The following PLA2G4D variants were observed in gnomAD, a reference collection of about 807,000 sequenced individuals.
PLA2G4D encodes the protein phospholipase A2 group IVD.
Under a neutral mutation model 94.4 loss-of-function variants are expected in PLA2G4D, and 80 were observed. The observed-to-expected ratio is 0.85, with a 90% CI of 0.71 to 1.02. The LOEUF (loss-of-function observed/expected upper bound fraction) is 1.02. Among genes scored for constraint, PLA2G4D ranks in the 50% least tolerant of loss-of-function variants. The probability of loss-of-function intolerance (pLI) is 0.00; values close to 1 mark genes in which losing one functional copy is unlikely to be tolerated. For missense variants in PLA2G4D, 1,050 were observed against 1,034.7 expected (o/e 1.01, Z -0.20); for synonymous variants, 438 against 440.9 (o/e 0.99, Z 0.08).
chr15:42,073,478 G>C (rs1319153380), intron 13 of PLA2G4D, among the ~76,000 whole-genome samples: 1 of 152,218 alleles, frequency 6.6e-6, no homozygotes, highest in Non-Finnish European at 1.5e-5. Flanking sequence ...CCTTGGGAAG[G>C]ATTCTGCCGC....
intron 1 of PLA2G4D, among the ~76,000 whole-genome samples, chr15:42,089,901 C>T (rs890886168): frequency 2.4e-4 from 36 of 152,184 alleles, no homozygotes; most frequent in Admixed American, 2.4e-3. Flanking sequence ...TTCATTTCTC[C>T]CTCCCATCAC....
In PLA2G4D at chr15:42,071,885, C is replaced by T; in HGVS notation, c.1462G>A (p.Val488Ile). 1.9e-6 allele frequency: 3 copies of T among 1,614,156 alleles called. No homozygotes were observed. Among genetic ancestry groups the T allele is most frequent in the Non-Finnish European group, 2.5e-6 (3 of 1,180,008 alleles). The change falls in exon 15 of 20, where the codon GTC becomes ATC. Residue 488 changes from valine (V) to isoleucine (I), a missense_variant. Physicochemically the swap from Val to Ile is conservative, Grantham distance 29. Transcript: ENST00000290472. ...AAGGCCCCGTACTTCAGGAAACCGA[C>T]CTCATAGGGGGAGAACTCAACCCAC... The part of the protein sequence containing the change: ...KEWVEFSPYE[V>I]GFLKYGAFVP...
intron 15 of PLA2G4D, 105 bp from the exon 16 acceptor site, chr15:42,071,656 C>T: frequency 1.6e-6 from 2 of 1,267,804 alleles, no homozygotes; most frequent in South Asian, 2.6e-5. Flanking sequence ...TACAATGCAT[C>T]CCCCCCGCCA....
intron 1 of PLA2G4D, among the ~76,000 whole-genome samples, chr15:42,089,983 C>T (rs763584856): frequency 3.9e-5 from 6 of 152,224 alleles, no homozygotes; most frequent in Non-Finnish European, 7.3e-5. Context: ...AATCCCGATT[C>T]TCTTCACCTC....
At chr15:42,077,927 A>G (rs1889960927) in intron 13 of PLA2G4D, among the ~76,000 whole-genome samples, 1 of 152,246 alleles carries the variant, frequency 6.6e-6, no homozygotes, top group Non-Finnish European at 1.5e-5. Context: ...TGAAACAGGG[A>G]AGGGCTGAAA....
Position 42,071,130 on chromosome 15 carries a change from G to A in PLA2G4D, c.1869C>T (p.Thr623=), listed in dbSNP as rs72727748. 2.6e-3 allele frequency: 4,258 copies of A among 1,610,880 alleles called. 9 individuals are homozygous for A. Among genetic ancestry groups the A allele is most frequent in the Non-Finnish European group, 3.2e-3 (3,795 of 1,179,030 alleles). ...CCTGGCCACGGCCCTGACCTGCCCA[G>A]GTGGAGAAGTCTTTGTGGCTACAGT... is the stretch of plus-strand genomic sequence containing the variant. ...QDYCSHKDFS[T]WADYQLDSMP... is the part of the protein sequence containing the mutation. Residue 623 remains threonine (T), a synonymous_variant, in exon 17 of 20, where the codon ACC becomes ACT. Transcript: ENST00000290472.
chr15:42,070,982 C>T (rs1595589758), intron 17 of PLA2G4D, 99 bp from the exon 18 acceptor site: 1 of 1,522,238 alleles, frequency 6.6e-7, no homozygotes, highest in East Asian at 2.4e-5. Flanking sequence ...CCACCCAGCC[C>T]TTCCCCAGGA....
At position 42,086,321 on chromosome 15, in the gene PLA2G4D, A is replaced by G. The variant is rs1354350876; in HGVS notation, c.279T>C (p.Tyr93=). 2 of 1,613,578 alleles carry G rather than the reference A, an allele frequency of 1.2e-6. No homozygotes were observed. The highest frequency in any genetic ancestry group is 2.2e-5 in the East Asian group (1 of 44,822). Residue 93 remains tyrosine, a synonymous_variant, in exon 4 of 20, where the codon TAT becomes TAC. Coordinates refer to ENST00000290472, the MANE Select transcript of PLA2G4D (RefSeq NM_178034.4). ...CATCCTCCGTGACTGAGTCCTCATC[A>G]TAGATGCTAAGCTCCAGAACATTCT... ...QVKNVLELSI[Y]DEDSVTEDDI... is the part of the protein sequence containing the mutation.
At chr15:42,085,454 T>A (rs1890122988) in intron 5 of PLA2G4D, 37 bp downstream of exon 5, 1 of 1,611,222 alleles carries the variant, frequency 6.2e-7, no homozygotes, top group Non-Finnish European at 8.5e-7. Context: ...AGAGCCTGAG[T>A]CCTGAGACAC....
In PLA2G4D at chr15:42,088,186, C is replaced by G. The variant is rs529761410; in HGVS notation, c.46-486G>C. Among the ~76,000 whole-genome samples the G allele has an allele frequency of 7.2e-5, 11 of 152,360 alleles. No homozygotes were observed. The South Asian group carries it at 2.3e-3, about 32-fold the overall frequency. On this transcript the variant is annotated intron_variant, in intron 1 of 19. Coordinates refer to ENST00000290472, the MANE Select transcript of PLA2G4D (RefSeq NM_178034.4). ...TAAGGGAGGGTGAGCCTCAGCAGCC[C>G]AGTCCACAGGCGCTACCCTGGATCT...
intron 4 of PLA2G4D, among the ~76,000 whole-genome samples, chr15:42,085,893 G>A (rs559502769): frequency 1.3e-5 from 2 of 152,334 alleles, no homozygotes; most frequent in South Asian, 2.1e-4. Flanking sequence ...CCACCCCCAG[G>A]CTGCAGCAGG....
intron 1 of PLA2G4D, among the ~76,000 whole-genome samples, chr15:42,091,988 C>T (rs1458232686): frequency 1.3e-5 from 2 of 152,210 alleles, no homozygotes; most frequent in Non-Finnish European, 2.9e-5. Context: ...AACAACAGCA[C>T]AGCCAGACAT....
At chr15:42,087,491 G>A (rs1330872786) in intron 2 of PLA2G4D, 55 bp from the exon 3 acceptor site, 3 of 1,610,824 alleles carry the variant, frequency 1.9e-6, no homozygotes, top group Non-Finnish European at 2.5e-6. Flanking sequence ...CCCTCTCCAT[G>A]AGCCATGCCA....
chr15:42,070,906 C>A, intron 17 of PLA2G4D, 23 bp from the exon 18 acceptor site: 2 of 1,602,656 alleles, frequency 1.2e-6, no homozygotes, highest in Admixed American at 1.7e-5. Flanking sequence ...GCAGGATGGT[C>A]AGAGGCCACC....
Position 42,070,100 on chromosome 15 carries a change from T to A in PLA2G4D, c.2044-5A>T, listed in dbSNP as rs12906547. On this transcript the variant is annotated splice_polypyrimidine_tract_variant and splice_region_variant and intron_variant, in intron 18 of 19. Transcript: ENST00000290472. ...CAGCTCCGTCTGCTGCAGTGCCTGGTGGGGAGAAGGTGGCCCGGAGAGAAC... is the reference window on the plus strand; with the variant it reads ...CAGCTCCGTCTGCTGCAGTGCCTGGAGGGGAGAAGGTGGCCCGGAGAGAAC... 91 of 1,495,696 alleles carry A rather than the reference T, an allele frequency of 6.1e-5. No individual in the cohort carries two copies. Among genetic ancestry groups the A allele is most frequent in the Admixed American group, 9.6e-5 (4 of 41,782 alleles). 92.7% of individuals were successfully genotyped at this position (1,495,696 alleles called of 1,614,324 possible). A position where few individuals can be genotyped will look rare whatever the true frequency, so the allele number is the denominator to read the frequency against.
At chr15:42,087,775 G>T in intron 1 of PLA2G4D, 75 bp from the exon 2 acceptor site, 1 of 1,468,092 alleles carries the variant, frequency 6.8e-7, no homozygotes, top group South Asian at 1.2e-5. Flanking sequence ...CCGGGCTGCC[G>T]ACACCCCTCA....
At chr15:42,086,111 T>G in intron 4 of PLA2G4D, 102 bp downstream of exon 4, 1 of 1,289,090 alleles carries the variant, frequency 7.8e-7, no homozygotes, top group Non-Finnish European at 1.1e-6. Context: ...TGTGAATGAG[T>G]TCACCCCAGC....
At chr15:42,077,006 C>T (rs1442553862) in intron 13 of PLA2G4D, among the ~76,000 whole-genome samples, 2 of 152,156 alleles carry the variant, frequency 1.3e-5, no homozygotes, top group East Asian at 3.8e-4. Flanking sequence ...AATTCCTGGA[C>T]ACATTCAACC....
At chr15:42,070,203 G>A in intron 18 of PLA2G4D, 108 bp from the exon 19 acceptor site, 1 of 1,153,612 alleles carries the variant, frequency 8.7e-7, no homozygotes, top group South Asian at 1.7e-5. Flanking sequence ...GCCTGGCTCT[G>A]TCCTGTTTGT....
Sources: gnomAD v4.1 joint callset for allele counts (sites outside exome capture counted in the v4.1 genomes callset) on GRCh38, gnomAD v4.1.1 for gene constraint, MANE v1.5 for transcripts, NCBI Gene and HGNC (gene_info 2026-07-23, HGNC 2026-07-21) for gene names.